TAFA5: variants seen among roughly 807,000 people sequenced by gnomAD.
The protein encoded by TAFA5 is chemokine-like protein TAFA-5.
In TAFA5, 6 loss-of-function variants were observed where a neutral mutation model predicts 15.3. The observed-to-expected ratio is 0.39, with a 90% CI of 0.21 to 0.77. The LOEUF is 0.77. TAFA5 is among the 30% of genes least tolerant of loss of function. The pLI, the probability that TAFA5 is intolerant of heterozygous loss-of-function variation, is 0.41. For synonymous variants in TAFA5, 103 were observed against 80.7 expected, an observed-to-expected ratio of 1.28 and a Z score of -1.48; for missense variants, 161 against 193.1, an observed-to-expected ratio of 0.83 and a Z score of 0.98.
intron 1 of TAFA5, among the ~76,000 whole-genome samples, chr22:48,579,974 T>C (rs2147145210): frequency 6.6e-6 from 1 of 152,278 alleles, no homozygotes; most frequent in East Asian, 1.9e-4. Context: ...ATCCTTTTGG[T>C]GGCAGGGGAG....
At chr22:48,600,775 C>T (rs576031207) in intron 1 of TAFA5, among the ~76,000 whole-genome samples, 156 of 152,352 alleles carry the variant, frequency 1.0e-3, no homozygotes, top group African/African-American at 3.6e-3. Context: ...CCACTCGGGG[C>T]ATGAATCGTC....
intron 1 of TAFA5, among the ~76,000 whole-genome samples, chr22:48,629,469 G>A (rs933632905): frequency 5.3e-5 from 8 of 152,214 alleles, no homozygotes; most frequent in Non-Finnish European, 8.8e-5. Flanking sequence ...CCCAACCCTC[G>A]CTGCTGCTGG....
chr22:48,730,799 C>T (rs130205), intron 3 of TAFA5, among the ~76,000 whole-genome samples: 101,579 of 151,974 alleles, frequency 0.67, 34,855 homozygotes, highest in Admixed American at 0.72. Flanking sequence ...CGGCCAGTCC[C>T]GTCTCTCCTC....
At chr22:48,607,517 C>A (rs28468527) in intron 1 of TAFA5, among the ~76,000 whole-genome samples, 4 of 115,004 alleles carry the variant, frequency 3.5e-5, no homozygotes, top group South Asian at 2.8e-4. Flanking sequence ...TCCCAGGTAC[C>A]TCAGCCTGGA....
rs1923174944 is a variant in TAFA5, at chr22:48,560,049, C to T, written c.112+70345C>T. Among the ~76,000 whole-genome samples the T allele has an allele frequency of 6.6e-6, 1 of 152,168 alleles. No individual in the cohort carries two copies. The highest frequency in any genetic ancestry group is 6.5e-5 in the Admixed American group (1 of 15,284). On this transcript the variant is annotated intron_variant, in intron 1 of 3. Coordinates refer to ENST00000402357, the MANE Select transcript of TAFA5 (RefSeq NM_001082967.3). This position sits in a 1 kb window ranked among gnomAD's most constrained non-coding sequence, Gnocchi z 4.2. ...GTCTTCTTTCTATGCACACGCCGGCCATCCTCCATCAGGCAGCTGCCCTGG... is the reference window on the plus strand; with the variant it reads ...GTCTTCTTTCTATGCACACGCCGGCTATCCTCCATCAGGCAGCTGCCCTGG...
intron 1 of TAFA5, among the ~76,000 whole-genome samples, chr22:48,531,609 G>A (rs1045948767): frequency 6.6e-6 from 1 of 152,150 alleles, no homozygotes; most frequent in Non-Finnish European, 1.5e-5. Context: ...TTTGTGCAGG[G>A]GACTCTAGCC....
intron 1 of TAFA5, among the ~76,000 whole-genome samples, chr22:48,642,741 G>A (rs1926728234): frequency 6.6e-6 from 1 of 152,192 alleles, no homozygotes; most frequent in African/African-American, 2.4e-5. Flanking sequence ...TGTGGGTTGT[G>A]TGTGGGCACG....
chr22:48,514,179 G>C (rs1229433678), intron 1 of TAFA5, among the ~76,000 whole-genome samples: 2 of 152,108 alleles, frequency 1.3e-5, no homozygotes, highest in Non-Finnish European at 2.9e-5. Context: ...GAGTGGGCTC[G>C]GGATGAAATG....
rs1276258486 is a variant in TAFA5, at chr22:48,608,491, C to T, written c.113-38106C>T. ...CTCATCCGTCCTCCACTTGGGGCCA[C>T]GTGGATTGGTGTCCATGTAGGAAGT... On this transcript the variant is annotated intron_variant, in intron 1 of 3. Coordinates refer to ENST00000402357, the MANE Select transcript of TAFA5 (RefSeq NM_001082967.3). Among the ~76,000 whole-genome samples the T allele has an allele frequency of 1.1e-3, 161 of 152,190 alleles. 1 individual carries two copies. The highest frequency in any genetic ancestry group is 4.4e-5 in the Non-Finnish European group (3 of 68,020).
chr22:48,542,611 T>TGTGTGTGTG (rs1385666215), intron 1 of TAFA5, among the ~76,000 whole-genome samples: 132 of 110,070 alleles, frequency 1.2e-3, no homozygotes, highest in African/African-American at 4.5e-3. Flanking sequence ...GTGTGTGTGG[T>TGTGTGTGTG]GTGTGTGTGG....
intron 3 of TAFA5, among the ~76,000 whole-genome samples, chr22:48,715,741 G>C (rs559858887): frequency 2.0e-5 from 3 of 152,224 alleles, no homozygotes; most frequent in Non-Finnish European, 4.4e-5. Context: ...TCAAGAGACA[G>C]AGGTGAGCCT....
chr22:48,602,295 C>T (rs1325479108), intron 1 of TAFA5, among the ~76,000 whole-genome samples: 2 of 152,144 alleles, frequency 1.3e-5, no homozygotes, highest in East Asian at 3.9e-4. Flanking sequence ...CCGGGGCCAC[C>T]CCCCCACAAG....
chr22:48,741,291 G>T (rs955288824), intron 3 of TAFA5, among the ~76,000 whole-genome samples: 2 of 151,562 alleles, frequency 1.3e-5, no homozygotes, highest in African/African-American at 4.9e-5. Context: ...CCTCACCCCT[G>T]GGTCCCTCCC....
intron 1 of TAFA5, among the ~76,000 whole-genome samples, chr22:48,562,134 CT>C (rs1169680232): frequency 6.6e-6 from 1 of 152,112 alleles, no homozygotes; most frequent in East Asian, 1.9e-4. Flanking sequence ...CAGAGCCTTT[CT>C]TTTTTCTTTT....
At chr22:48,575,626 C>T (rs1290429392) in intron 1 of TAFA5, among the ~76,000 whole-genome samples, 1 of 146,420 alleles carries the variant, frequency 6.8e-6, no homozygotes, top group Non-Finnish European at 1.5e-5. Flanking sequence ...ACACCGGCAG[C>T]GGCGGCCCAG....
intron 1 of TAFA5, among the ~76,000 whole-genome samples, chr22:48,549,745 C>G (rs1922796079): frequency 6.6e-6 from 1 of 152,228 alleles, no homozygotes. Flanking sequence ...TCCACACCAA[C>G]TGCTGTGTGG....
At chr22:48,525,011 C>T (rs1921731146) in intron 1 of TAFA5, among the ~76,000 whole-genome samples, 3 of 152,142 alleles carry the variant, frequency 2.0e-5, no homozygotes, top group Admixed American at 1.3e-4. Context: ...AACTTCTCTC[C>T]GCCCTGCCCT....
intron 1 of TAFA5, among the ~76,000 whole-genome samples, chr22:48,495,022 T>G (rs891570258): frequency 1.3e-5 from 2 of 152,220 alleles, no homozygotes; most frequent in African/African-American, 4.8e-5. Flanking sequence ...GTTCCAGCTT[T>G]GTATGCCAGC....
intron 1 of TAFA5, among the ~76,000 whole-genome samples, chr22:48,601,620 C>T (rs1366325954): frequency 6.6e-6 from 1 of 152,206 alleles, no homozygotes; most frequent in Non-Finnish European, 1.5e-5. Context: ...AGCCACCACG[C>T]CCAGCCCCTT....
Sources: gnomAD v4.1 joint callset for allele counts (sites outside exome capture counted in the v4.1 genomes callset) on GRCh38, gnomAD v4.1.1 for gene constraint, Gnocchi (gnomAD v3.1) non-coding constraint, MANE v1.5 for transcripts, NCBI Gene and HGNC (gene_info 2026-07-23, HGNC 2026-07-21) for gene names.